SLC23A2: variants seen among roughly 807,000 people sequenced by gnomAD.
SLC23A2 encodes solute carrier family 23 member 2.
In SLC23A2, 36 loss-of-function variants were observed where a neutral mutation model predicts 73.3. The observed-to-expected ratio is 0.49, with a 90% confidence interval of 0.38 to 0.65. The LOEUF (loss-of-function observed/expected upper bound fraction) is 0.65, where lower values mean the gene tolerates loss of function less well. SLC23A2 is among the 30% of genes least tolerant of loss of function. SLC23A2 has a pLI of 0.00. For synonymous variants in SLC23A2, 343 were observed against 327.3 expected (o/e 1.05, Z -0.52); for missense variants, 507 against 841.6 (o/e 0.60, Z 4.92).
chr20:4,879,408 C>CAAAAAAAAAAAAAT (rs1930790997), intron 9 of SLC23A2, among the ~76,000 whole-genome samples: 1 of 43,008 alleles, frequency 2.3e-5, no homozygotes, highest in African/African-American at 9.0e-5. Context: ...AACTCTGTCT[C>CAAAAAAAAAAAAAT]AAAAAAAAAA....
chr20:4,903,953 C>T (rs1931842817), intron 4 of SLC23A2, among the ~76,000 whole-genome samples: 1 of 152,134 alleles, frequency 6.6e-6, no homozygotes. Context: ...TGAGTCTTGC[C>T]TGGTACGTGG....
intron 1 of SLC23A2, among the ~76,000 whole-genome samples, chr20:4,986,464 C>T (rs1027629578): frequency 3.1e-4 from 47 of 152,210 alleles, no homozygotes; most frequent in African/African-American, 1.0e-3. Flanking sequence ...CAGCTGCCTG[C>T]CACCATGTCC....
intron 2 of SLC23A2, among the ~76,000 whole-genome samples, chr20:4,953,856 A>C (rs1776952): frequency 1.6e-4 from 24 of 152,120 alleles, no homozygotes; most frequent in African/African-American, 5.6e-4. Context: ...GCCACTGCAC[A>C]CCAGCCTCAG....
chr20:5,004,129 T>G (rs545169526), upstream of SLC23A2, among the ~76,000 whole-genome samples: 1 of 152,300 alleles, frequency 6.6e-6, no homozygotes, highest in South Asian at 2.1e-4. Flanking sequence ...ACAGACATCT[T>G]TCTGAACTTG....
At chr20:4,955,863 T>G (rs976720673) in intron 2 of SLC23A2, among the ~76,000 whole-genome samples, 1 of 152,052 alleles carries the variant, frequency 6.6e-6, no homozygotes, top group Admixed American at 6.6e-5. Context: ...AAAATGGCTA[T>G]GCACCAAGCA....
At chr20:4,860,806 C>T (rs1008003877) in intron 15 of SLC23A2, among the ~76,000 whole-genome samples, 3 of 152,052 alleles carry the variant, frequency 2.0e-5, no homozygotes, top group African/African-American at 7.3e-5. Flanking sequence ...TTTGGGAGGC[C>T]AATGCAGGTG....
intron 13 of SLC23A2, 60 bp downstream of exon 13, chr20:4,867,710 G>A (rs898152589): frequency 3.1e-5 from 29 of 931,862 alleles, no homozygotes; most frequent in East Asian, 5.4e-5. Flanking sequence ...TGGCCAGATC[G>A]ATCAATGAAA....
chr20:4,884,750 T>C lies in SLC23A2; in HGVS notation c.642+3A>G, dbSNP rs1000125151. ...CCAAAAGCAGACAACGCTTGTCTTT[T>C]ACCTCTCGGATCCGGGGATACCAGA... is the stretch of plus-strand genomic sequence containing the variant. On this transcript the variant is annotated splice_donor_region_variant and intron_variant, in intron 8 of 16. Transcript: ENST00000338244. 2 of 1,606,968 alleles carry C rather than the reference T, an allele frequency of 1.2e-6. No individual in the cohort carries two copies. Among genetic ancestry groups the C allele is most frequent in the African/African-American group, 1.3e-5 (1 of 74,732 alleles).
intron 3 of SLC23A2, 54 bp from the exon 4 acceptor site, chr20:4,913,032 C>T (rs1932212831): frequency 1.7e-6 from 2 of 1,163,896 alleles, no homozygotes; most frequent in African/African-American, 1.5e-5. Context: ...ATTTTCCTCC[C>T]CCCGAAAGCC....
At chr20:4,892,018 T>C (rs967132305) in intron 6 of SLC23A2, among the ~76,000 whole-genome samples, 10 of 152,140 alleles carry the variant, frequency 6.6e-5, no homozygotes, top group Admixed American at 5.2e-4. Flanking sequence ...CCTCCCAAAG[T>C]GCTGGGAATG....
intron 12 of SLC23A2, among the ~76,000 whole-genome samples, chr20:4,869,359 A>G (rs1195828952): frequency 6.6e-6 from 1 of 151,660 alleles, no homozygotes; most frequent in African/African-American, 2.4e-5. Context: ...AAAACCTGTA[A>G]GCAGTGAAGA....
chr20:5,003,735 G>C (rs6053029), upstream of SLC23A2, among the ~76,000 whole-genome samples: 135,804 of 151,850 alleles, frequency 0.89, 61,004 homozygotes, highest in Middle Eastern at 0.93. Context: ...GTCCCAGTCT[G>C]CCCAGCCGTC....
chr20:4,869,242 T>C (rs1930330208), intron 12 of SLC23A2: 1 of 151,942 alleles, frequency 6.6e-6, no homozygotes, highest in African/African-American at 2.4e-5. Context: ...AAGAGTGTGG[T>C]GCATTACGAT....
chr20:4,962,606 C>T (rs1278433116), intron 2 of SLC23A2, among the ~76,000 whole-genome samples: 2 of 152,054 alleles, frequency 1.3e-5, no homozygotes, highest in African/African-American at 2.4e-5. Flanking sequence ...GTCCCGTGGC[C>T]GGATAAGCCA....
chr20:4,893,789 A>AG (rs1931419415), intron 6 of SLC23A2, among the ~76,000 whole-genome samples: 1 of 152,124 alleles, frequency 6.6e-6, no homozygotes, highest in Non-Finnish European at 1.5e-5. Context: ...GCTCTCTCAG[A>AG]GGGGGCATCC....
At chr20:4,865,814 T>C (rs1026005578) in intron 13 of SLC23A2, among the ~76,000 whole-genome samples, 6 of 152,218 alleles carry the variant, frequency 3.9e-5, no homozygotes, top group Non-Finnish European at 7.4e-5. Context: ...CAATATACTT[T>C]ATTTTATTTA....
Position 4,868,928 on chromosome 20 carries a change from A to C in SLC23A2, c.1250+978T>G, listed in dbSNP as rs1321918455. ...CTGCTATTCCTGTCCCTATTTATAT[A>C]AACTGTAACTGTGCATAGATTACAC... is the stretch of plus-strand genomic sequence containing the variant. On this transcript the variant is annotated intron_variant, in intron 12 of 16. Coordinates refer to ENST00000338244, the MANE Select transcript of SLC23A2 (RefSeq NM_005116.6). This position sits in a 1 kb window ranked among gnomAD's most constrained non-coding sequence, Gnocchi z 4.4. 3 of 152,216 alleles carry C rather than the reference A, an allele frequency of 2.0e-5. No homozygotes were observed. Among genetic ancestry groups the C allele is most frequent in the Non-Finnish European group, 4.4e-5 (3 of 68,042 alleles). The allele number at this position is 152,216 out of a possible 1,614,324, so 9.4% of individuals were successfully genotyped here.
intron 2 of SLC23A2, among the ~76,000 whole-genome samples, chr20:4,937,917 G>C (rs1343807910): frequency 6.6e-6 from 1 of 151,996 alleles, no homozygotes; most frequent in Non-Finnish European, 1.5e-5. Context: ...CCTTGGACTA[G>C]GAACTCTCTA....
At chr20:4,940,031 C>G (rs1055794544) in intron 2 of SLC23A2, among the ~76,000 whole-genome samples, 2 of 152,100 alleles carry the variant, frequency 1.3e-5, no homozygotes, top group African/African-American at 4.8e-5. Context: ...GAAGAATAAG[C>G]AAGGGCCAGG....
Sources: gnomAD v4.1 joint callset for allele counts (sites outside exome capture counted in the v4.1 genomes callset) on GRCh38, gnomAD v4.1.1 for gene constraint, Gnocchi (gnomAD v3.1) non-coding constraint, MANE v1.5 for transcripts, NCBI Gene and HGNC (gene_info 2026-07-23, HGNC 2026-07-21) for gene names.